Variants in RABGAP1L observed in about 807,000 individuals in gnomAD.
RABGAP1L encodes RAB GTPase activating protein 1 like.
RABGAP1L carries 63 observed loss-of-function variants against 137.7 expected under a neutral mutation model. The ratio of observed to expected loss-of-function variants is 0.46; its 90% confidence interval spans 0.37 to 0.56. The LOEUF is 0.56. RABGAP1L is among the 20% of genes least tolerant of loss of function. The pLI is 0.00. For missense variants in RABGAP1L, 1,095 were observed against 1,244.0 expected (o/e 0.88, Z 1.80); for synonymous variants, 431 against 433.7 (o/e 0.99, Z 0.08).
chr1:174,650,015 C>G (rs1258501810), intron 14 of RABGAP1L, among the ~76,000 whole-genome samples: 1 of 152,088 alleles, frequency 6.6e-6, no homozygotes, highest in Non-Finnish European at 1.5e-5. Context: ...CCCATCAATA[C>G]CTAATTTATT....
intron 1 of RABGAP1L, among the ~76,000 whole-genome samples, chr1:174,168,319 A>AACTGACC (rs1297744857): frequency 3.6e-4 from 55 of 151,924 alleles, no homozygotes; most frequent in African/African-American, 1.3e-3. Context: ...TTTAGTGAAA[A>AACTGACC]ATTGACCATT....
At chr1:174,831,419 A>G (rs1472073231) in intron 19 of RABGAP1L, among the ~76,000 whole-genome samples, 1 of 148,060 alleles carries the variant, frequency 6.8e-6, no homozygotes, top group East Asian at 2.1e-4. Flanking sequence ...TTTCCTGAGG[A>G]TGAGTCCACC....
At position 174,614,156 on chromosome 1, in the gene RABGAP1L, T is replaced by C. The variant is rs1457400791; in HGVS notation, c.1711-23219T>C. Among the ~76,000 whole-genome samples, 4 of 152,336 alleles carry C rather than the reference T, an allele frequency of 2.6e-5. No individual in the cohort carries two copies. The East Asian group carries it at 7.7e-4, about 29-fold the overall frequency. ...TGATGCAGTTTCTTCCTAGCCTCGA[T>C]GGTCTTTACAATTTGGCATGATTTT... On this transcript the variant is annotated intron_variant, in intron 13 of 25. Coordinates refer to ENST00000681986, the MANE Select transcript of RABGAP1L (RefSeq NM_001366446.1).
chr1:174,601,108 C>T (rs1193732471), intron 13 of RABGAP1L, among the ~76,000 whole-genome samples: 1 of 152,228 alleles, frequency 6.6e-6, no homozygotes. Flanking sequence ...AGCTTCCACC[C>T]TCTGAAGCCA....
chr1:174,394,865 CT>C (rs1427286046), intron 13 of RABGAP1L, among the ~76,000 whole-genome samples: 7 of 151,548 alleles, frequency 4.6e-5, no homozygotes, highest in Non-Finnish European at 7.4e-5. Context: ...GCTGTAATTT[CT>C]TTTTACTTTT....
At chr1:174,378,659 T>G (rs992996472) in intron 12 of RABGAP1L, among the ~76,000 whole-genome samples, 2 of 152,150 alleles carry the variant, frequency 1.3e-5, no homozygotes, top group Non-Finnish European at 2.9e-5. Flanking sequence ...TAAATTTGTT[T>G]GAGTTCATTG....
chr1:174,419,441 A>T (rs1167644082), intron 13 of RABGAP1L, among the ~76,000 whole-genome samples: 2 of 152,226 alleles, frequency 1.3e-5, no homozygotes, highest in Non-Finnish European at 2.9e-5. Context: ...CAGTGAATTC[A>T]TGAGATTATT....
chr1:174,517,857 G>A (rs1386219170), intron 13 of RABGAP1L, among the ~76,000 whole-genome samples: 2 of 152,070 alleles, frequency 1.3e-5, no homozygotes, highest in South Asian at 2.1e-4. Context: ...CAGTGACATC[G>A]TTCTTTATAT....
chr1:174,195,425 C>T (rs1031399708), intron 1 of RABGAP1L, among the ~76,000 whole-genome samples: 7 of 151,818 alleles, frequency 4.6e-5, no homozygotes, highest in African/African-American at 1.5e-4. Context: ...GTACATGTTC[C>T]GATTCAGATT....
chr1:174,884,303 A>G (rs543060110), intron 19 of RABGAP1L, among the ~76,000 whole-genome samples: 11 of 152,316 alleles, frequency 7.2e-5, no homozygotes, highest in African/African-American at 2.6e-4. Flanking sequence ...TCCTTATCGG[A>G]TTGGCACAGA....
At chr1:174,436,240 C>A (rs1362849331) in intron 13 of RABGAP1L, among the ~76,000 whole-genome samples, 3 of 152,180 alleles carry the variant, frequency 2.0e-5, no homozygotes, top group Non-Finnish European at 4.4e-5. Flanking sequence ...CACTGACTTC[C>A]ACAATGGTTG....
intron 13 of RABGAP1L, among the ~76,000 whole-genome samples, chr1:174,522,329 A>T (rs1233058418): frequency 6.6e-6 from 1 of 152,060 alleles, no homozygotes; most frequent in African/African-American, 2.4e-5. Flanking sequence ...TGTAATCCTA[A>T]CACTTTGGGA....
At chr1:174,349,379 C>T (rs1682818117) in intron 11 of RABGAP1L, among the ~76,000 whole-genome samples, 1 of 138,618 alleles carries the variant, frequency 7.2e-6, no homozygotes, top group South Asian at 2.3e-4. Flanking sequence ...CACCTCCCTC[C>T]CGGACGGGGC....
At chr1:174,936,485 C>A (rs920482463) in intron 19 of RABGAP1L, among the ~76,000 whole-genome samples, 1 of 152,008 alleles carries the variant, frequency 6.6e-6, no homozygotes, top group Non-Finnish European at 1.5e-5. Flanking sequence ...TGTCTGTAGT[C>A]CCAGCTCCTG....
chr1:174,906,627 C>A (rs1172793701), intron 19 of RABGAP1L, among the ~76,000 whole-genome samples: 3 of 151,436 alleles, frequency 2.0e-5, no homozygotes, highest in Admixed American at 6.6e-5. Context: ...GATTCCATCT[C>A]AAAAAATAAA....
chr1:174,758,147 A>T (rs1684918872), intron 18 of RABGAP1L, among the ~76,000 whole-genome samples: 1 of 152,118 alleles, frequency 6.6e-6, no homozygotes, highest in Non-Finnish European at 1.5e-5. Context: ...ATCCTTCAAC[A>T]GTTGTCAAAA....
chr1:174,572,184 AGACCAGTCCTTCTACCATCTTGGAACTT>A, intron 13 of RABGAP1L, among the ~76,000 whole-genome samples: 1 of 152,240 alleles, frequency 6.6e-6, no homozygotes, highest in South Asian at 2.1e-4. Context: ...CTACGGAGTA[AGACCAGTCCTTCTACCATCTTGGAACTT>A]GACCTTTTTT....
chr1:174,738,313 G>A (rs572115145), intron 17 of RABGAP1L, among the ~76,000 whole-genome samples: 85 of 152,220 alleles, frequency 5.6e-4, no homozygotes, highest in African/African-American at 1.9e-3. Context: ...GTTTTGCTGC[G>A]ATGAATTTCA....
intron 19 of RABGAP1L, among the ~76,000 whole-genome samples, chr1:174,934,371 G>A (rs1664375613): frequency 6.6e-6 from 1 of 152,138 alleles, no homozygotes; most frequent in Non-Finnish European, 1.5e-5. Flanking sequence ...ACAGGCATGA[G>A]CCACCACGCC....
Sources: gnomAD v4.1 joint callset for allele counts (sites outside exome capture counted in the v4.1 genomes callset) on GRCh38, gnomAD v4.1.1 for gene constraint, MANE v1.5 for transcripts, NCBI Gene and HGNC (gene_info 2026-07-23, HGNC 2026-07-21) for gene names.